The following ITCH variants were observed in gnomAD, a reference collection of about 807,000 sequenced individuals.
ITCH encodes E3 ubiquitin-protein ligase Itchy homolog.
Under a neutral mutation model 126.8 loss-of-function variants are expected in ITCH, and 28 were observed. The observed-to-expected ratio is 0.22, with a 90% CI of 0.16 to 0.30. The LOEUF is 0.30. Ranked by LOEUF, ITCH falls within the 10% of genes least tolerant of loss-of-function variation. ITCH has a pLI of 1.00. For missense variants in ITCH, 631 were observed against 1,032.4 expected, an observed-to-expected ratio of 0.61 and a Z score of 5.33; for synonymous variants, 342 against 340.0, an observed-to-expected ratio of 1.01 and a Z score of -0.06.
chr20:34,387,511 G>A (rs2038328492), intron 2 of ITCH, among the ~76,000 whole-genome samples: 1 of 151,456 alleles, frequency 6.6e-6, no homozygotes, highest in South Asian at 2.1e-4. Flanking sequence ...GTGGCTGTTA[G>A]TCTCAGTTAC....
intron 6 of ITCH, 96 bp downstream of exon 6, chr20:34,413,975 G>C (rs925585818): frequency 7.1e-6 from 8 of 1,119,152 alleles, no homozygotes; most frequent in African/African-American, 1.6e-5. Context: ...TTTTTTTTCA[G>C]ATTAATAAAA....
intron 7 of ITCH, among the ~76,000 whole-genome samples, chr20:34,425,491 A>G (rs952897579): frequency 6.6e-6 from 1 of 152,166 alleles, no homozygotes; most frequent in African/African-American, 2.4e-5. Flanking sequence ...GAAGGTTTCT[A>G]TCTCCTGCTC....
chr20:34,477,558 T>A (rs1429257600), intron 16 of ITCH, among the ~76,000 whole-genome samples: 1 of 151,982 alleles, frequency 6.6e-6, no homozygotes, highest in Non-Finnish European at 1.5e-5. Context: ...ATCACGTGTA[T>A]AAGGTATATA....
At chr20:34,400,085 T>C (rs1320237697) in intron 3 of ITCH, among the ~76,000 whole-genome samples, 1 of 152,002 alleles carries the variant, frequency 6.6e-6, no homozygotes, top group Non-Finnish European at 1.5e-5. Context: ...ATTACAGACA[T>C]GCGCCACCAA....
intron 22 of ITCH, 33 bp downstream of exon 22, chr20:34,489,959 A>G: frequency 1.3e-6 from 2 of 1,526,096 alleles, no homozygotes; most frequent in African/African-American, 2.7e-5. Flanking sequence ...ATTAGTTGAC[A>G]CAGCATAATT....
At chr20:34,462,902 A>T (rs934472099) in intron 14 of ITCH, among the ~76,000 whole-genome samples, 1 of 152,212 alleles carries the variant, frequency 6.6e-6, no homozygotes, top group African/African-American at 2.4e-5. Flanking sequence ...TCATATCTTC[A>T]AGATTTATCC....
Position 34,442,359 on chromosome 20 carries a change from A to G in ITCH, c.965+56A>G, listed in dbSNP as rs571770087. The G allele has an allele frequency of 4.6e-4, 563 of 1,222,156 alleles. 4 individuals carry two copies. The highest frequency in any genetic ancestry group is 1.2e-4 in the Non-Finnish European group (101 of 830,782). 75.7% of individuals were successfully genotyped at this position (1,222,156 alleles called of 1,614,324 possible). A position where few individuals can be genotyped will look rare whatever the true frequency, so the allele number is the denominator to read the frequency against. ...TATTTAGTCAGAATTGTGGATTACA[A>G]CTGTATAATCTTCCCTACATTTCTG... On this transcript the variant is annotated intron_variant, in intron 10 of 24. Coordinates refer to ENST00000374864, the MANE Select transcript of ITCH (RefSeq NM_031483.7).
At chr20:34,480,452 T>C (rs1320892190) in intron 18 of ITCH, 147 bp from the exon 19 acceptor site, 8 of 882,902 alleles carry the variant, frequency 9.1e-6, no homozygotes, top group Non-Finnish European at 1.4e-5. Context: ...TCCACCCACC[T>C]CGGCCTCCCA....
At chr20:34,377,564 A>G (rs1363854334) in intron 2 of ITCH, among the ~76,000 whole-genome samples, 1 of 151,696 alleles carries the variant, frequency 6.6e-6, no homozygotes, top group Non-Finnish European at 1.5e-5. Flanking sequence ...TCTTGCAGAA[A>G]CTTGAGATAA....
intron 22 of ITCH, among the ~76,000 whole-genome samples, chr20:34,490,522 A>G (rs1344133364): frequency 6.6e-6 from 1 of 152,186 alleles, no homozygotes. Context: ...ACATGCCTGT[A>G]ATCCCAGCTA....
chr20:34,459,136 G>A (rs768411641), intron 13 of ITCH, among the ~76,000 whole-genome samples: 1 of 152,016 alleles, frequency 6.6e-6, no homozygotes, highest in Non-Finnish European at 1.5e-5. Context: ...ACCACTCTTA[G>A]GTATGATAAG....
In ITCH at chr20:34,452,571, C is replaced by T. The variant is rs118023949; in HGVS notation, c.1210+3091C>T. On this transcript the variant is annotated intron_variant, in intron 12 of 24. Coordinates refer to ENST00000374864, the MANE Select transcript of ITCH (RefSeq NM_031483.7). ...TGAAGCAACCCACCCAACATACCTT[C>T]AGGATTGACCCAGGTTGATAGAATC... Among the ~76,000 whole-genome samples the T allele has an allele frequency of 4.1e-3, 630 of 152,328 alleles. 2 individuals carry two copies. The highest frequency in any genetic ancestry group is 0.031 in the Middle Eastern group (9 of 294).
intron 3 of ITCH, among the ~76,000 whole-genome samples, chr20:34,408,165 T>C (rs538639653): frequency 1.4e-4 from 21 of 152,116 alleles, no homozygotes; most frequent in Non-Finnish European, 2.6e-4. Context: ...AGCCTTGACC[T>C]CCTGGACTCA....
At chr20:34,399,986 T>C (rs2038814726) in intron 3 of ITCH, among the ~76,000 whole-genome samples, 1 of 152,086 alleles carries the variant, frequency 6.6e-6, no homozygotes, top group Admixed American at 6.6e-5. Context: ...GTTGCCAGGC[T>C]GGAGTGTGGT....
intron 23 of ITCH, among the ~76,000 whole-genome samples, chr20:34,495,650 T>C (rs1040893743): frequency 6.6e-6 from 1 of 152,132 alleles, no homozygotes; most frequent in Admixed American, 6.5e-5. Flanking sequence ...TATTCCAGTT[T>C]GTTTATACAC....
rs542643642 is a variant in ITCH, at chr20:34,476,148, A to G, written c.1570-1624A>G. ...TGAGATGACAGGTTAAACAAGCCAG[A>G]GTTCCCTCACATGCACCAAAGCCAT... On this transcript the variant is annotated intron_variant, in intron 16 of 24. Coordinates refer to ENST00000374864, the MANE Select transcript of ITCH (RefSeq NM_031483.7). 7 of 824,940 alleles carry G rather than the reference A, an allele frequency of 8.5e-6. No individual in the cohort carries two copies. In the South Asian group the frequency reaches 9.3e-5, roughly 11 times the overall value. The allele number at this position is 824,940 out of a possible 1,614,324, so 51.1% of individuals were successfully genotyped here.
At chr20:34,429,178 A>G (rs570650001) in intron 7 of ITCH, among the ~76,000 whole-genome samples, 2 of 152,226 alleles carry the variant, frequency 1.3e-5, no homozygotes, top group East Asian at 1.9e-4. Flanking sequence ...ACCTCAAGTG[A>G]TCTGCCCACC....
intron 2 of ITCH, among the ~76,000 whole-genome samples, chr20:34,373,610 C>T (rs1014150508): frequency 3.9e-5 from 6 of 152,136 alleles, no homozygotes; most frequent in African/African-American, 1.4e-4. Flanking sequence ...CTAGACATTG[C>T]AGGGACTTAT....
At chr20:34,487,721 C>T (rs1989226648) in intron 20 of ITCH, among the ~76,000 whole-genome samples, 1 of 152,020 alleles carries the variant, frequency 6.6e-6, no homozygotes, top group Non-Finnish European at 1.5e-5. Context: ...GGCAGATTGC[C>T]TGAGGTCAGG....
Sources: gnomAD v4.1 joint callset for allele counts (sites outside exome capture counted in the v4.1 genomes callset) on GRCh38, gnomAD v4.1.1 for gene constraint, MANE v1.5 for transcripts, NCBI Gene and HGNC (gene_info 2026-07-23, HGNC 2026-07-21) for gene names.